UGT3A2: variants seen among roughly 807,000 people sequenced by gnomAD.
UGT3A2 encodes the protein UDP glycosyltransferase family 3 member A2.
A neutral mutation model predicts 39.8 loss-of-function variants in UGT3A2; 32 were observed. The ratio of observed to expected loss-of-function variants is 0.80; its 90% CI spans 0.61 to 1.08. UGT3A2 has a LOEUF of 1.08. UGT3A2 is among the 50% of genes least tolerant of loss of function. The pLI, the probability that UGT3A2 is intolerant of heterozygous loss-of-function variation, is 0.00. For missense variants in UGT3A2, 611 were observed against 637.1 expected (o/e 0.96, Z 0.44); for synonymous variants, 241 against 230.7 (o/e 1.04, Z -0.40).
intron 5 of UGT3A2, among the ~76,000 whole-genome samples, chr5:36,039,002 G>T (rs1741919290): frequency 6.6e-6 from 1 of 152,214 alleles, no homozygotes; most frequent in South Asian, 2.1e-4. Flanking sequence ...GGTAGAAGTT[G>T]CTCAGACCCT....
chr5:36,052,721 C>A (rs925823441), intron 2 of UGT3A2, among the ~76,000 whole-genome samples: 2 of 152,196 alleles, frequency 1.3e-5, no homozygotes, highest in Middle Eastern at 3.4e-3. Context: ...TGCCTGGGAG[C>A]CTGTCCTGCT....
chr5:36,056,092 T>C (rs755943170), intron 2 of UGT3A2, among the ~76,000 whole-genome samples: 4 of 152,190 alleles, frequency 2.6e-5, no homozygotes, highest in South Asian at 2.1e-4. Context: ...GCCATTATGG[T>C]TGAAGGAATC....
chr5:36,048,649 G>T (rs1397977815), intron 4 of UGT3A2, among the ~76,000 whole-genome samples: 1 of 152,236 alleles, frequency 6.6e-6, no homozygotes, highest in Admixed American at 6.5e-5. Flanking sequence ...GGACTAGGGT[G>T]TGGCAAGAGA....
intron 4 of UGT3A2, among the ~76,000 whole-genome samples, chr5:36,040,146 A>C (rs1303147162): frequency 6.6e-6 from 1 of 152,174 alleles, no homozygotes; most frequent in Non-Finnish European, 1.5e-5. Context: ...CTTCATCTAC[A>C]CAAAATGTAC....
At chr5:36,041,174 G>A (rs2111701488) in intron 4 of UGT3A2, among the ~76,000 whole-genome samples, 1 of 152,152 alleles carries the variant, frequency 6.6e-6, no homozygotes. Flanking sequence ...TCACAGGCTT[G>A]GGGTGGGGTG....
rs1313712309 is a variant in UGT3A2, at chr5:36,035,720, G to A, written c.1550C>T (p.Ala517Val). 2.5e-6 allele frequency: 4 copies of A among 1,613,918 alleles called. No individual in the cohort carries two copies. The highest frequency in any genetic ancestry group is 2.5e-6 in the Non-Finnish European group (3 of 1,180,010). The change falls in exon 7 of 7, where the codon GCC (alanine) becomes GTC (valine). Residue 517 changes from alanine (A) to valine (V), a missense_variant. Physicochemically the swap from Ala to Val is moderately conservative, Grantham distance 64. Transcript: ENST00000282507. ...LGMAVWWLRGARKVKET is the reference protein window; with the variant it reads ...LGMAVWWLRGVRKVKET ...GCCTTATGTCTCCTTCACCTTTCTG[G>A]CCCCACGCAGCCACCAGACAGCCAT...
At position 36,039,664 on chromosome 5, in the gene UGT3A2, G is replaced by A. The variant is rs754718163; in HGVS notation, c.888C>T (p.Val296=). ...TCACCATGGAGCCCAAGGTCACAAG[G>A]ACAAAACCAGAGTCCCCAAACTTGG... ...FIAKFGDSGF[V]LVTLGSMVNT... Residue 296 remains valine (V), a synonymous_variant, in exon 5 of 7, where the codon GTC becomes GTT. Coordinates refer to ENST00000282507, the MANE Select transcript of UGT3A2 (RefSeq NM_174914.4). 5 of 1,614,012 alleles carry A rather than the reference G, an allele frequency of 3.1e-6. No individual in the cohort carries two copies. The highest frequency in any genetic ancestry group is 2.2e-5 in the South Asian group (2 of 91,084).
chr5:36,052,030 C>A (rs763726087), intron 2 of UGT3A2, 46 bp from the exon 3 acceptor site: 1 of 1,197,744 alleles, frequency 8.3e-7, no homozygotes, highest in East Asian at 2.4e-5. Context: ...ATATGCTACA[C>A]AAAAGAGTAA....
chr5:36,064,130 C>T lies in UGT3A2; in HGVS notation c.196+119G>A. 3.2e-6 allele frequency: 3 copies of T among 935,806 alleles called. 1 individual carries two copies. Among genetic ancestry groups the T allele is most frequent in the Non-Finnish European group, 4.8e-6 (3 of 627,166 alleles). The allele number at this position is 935,806 out of a possible 1,614,324, so 58.0% of individuals were successfully genotyped here. ...CACTTTACATACACACACACACAAG[C>T]TTTTCATCCTTCCAATTGAATTAGA... On this transcript the variant is annotated intron_variant, in intron 2 of 6. Transcript: ENST00000282507.
intron 1 of UGT3A2, 132 bp from the exon 2 acceptor site, chr5:36,064,482 G>C (rs1404899425): frequency 1.3e-6 from 1 of 781,484 alleles, no homozygotes; most frequent in Non-Finnish European, 2.0e-6. Flanking sequence ...AGTTTTGCCA[G>C]TCTCCTCATG....
At chr5:36,048,676 A>G (rs1466174727) in intron 4 of UGT3A2, among the ~76,000 whole-genome samples, 1 of 152,230 alleles carries the variant, frequency 6.6e-6, no homozygotes, top group Non-Finnish European at 1.5e-5. Flanking sequence ...AGAAGAATCC[A>G]TATAAAGATG....
Position 36,049,155 on chromosome 5 carries a change from C to T in UGT3A2, c.577G>A (p.Asp193Asn). ...ACTCGGCCCCAGAAGTCCATGTGATCAGTCAGCAAGGAACGGAATACTGGA... is the reference window on the plus strand; with the variant it reads ...ACTCGGCCCCAGAAGTCCATGTGATTAGTCAGCAAGGAACGGAATACTGGA... ...YVPVFRSLLT[D>N]HMDFWGRVKN... The change falls in exon 4 of 7, where the codon GAT (aspartate) becomes AAT (asparagine). Residue 193 changes from aspartate (D) to asparagine (N), a missense_variant. Physicochemically the swap from Asp to Asn is conservative, Grantham distance 23. Coordinates refer to ENST00000282507, the MANE Select transcript of UGT3A2 (RefSeq NM_174914.4). 6.2e-7 allele frequency: 1 copy of T among 1,614,190 alleles called. No homozygotes were observed. The highest frequency in any genetic ancestry group is 8.5e-7 in the Non-Finnish European group (1 of 1,180,046).
intron 5 of UGT3A2, 26 bp from the exon 6 acceptor site, chr5:36,038,042 G>T (rs767712987): frequency 6.4e-7 from 1 of 1,556,824 alleles, no homozygotes; most frequent in Non-Finnish European, 8.6e-7. Context: ...AAGAGGGTGG[G>T]ACACTTCAGG....
intron 4 of UGT3A2, among the ~76,000 whole-genome samples, chr5:36,047,964 T>A (rs1742218579): frequency 6.6e-6 from 1 of 152,148 alleles, no homozygotes; most frequent in Non-Finnish European, 1.5e-5. Flanking sequence ...CTGCCACAAA[T>A]GCAAAGCCCA....
At chr5:36,060,318 T>A (rs1742650463) in intron 2 of UGT3A2, among the ~76,000 whole-genome samples, 2 of 152,218 alleles carry the variant, frequency 1.3e-5, no homozygotes, top group Admixed American at 1.3e-4. Context: ...CACTGGAGGC[T>A]ATATGAGTAA....
intron 3 of UGT3A2, among the ~76,000 whole-genome samples, chr5:36,049,948 C>T (rs1742287636): frequency 6.6e-6 from 1 of 151,978 alleles, no homozygotes; most frequent in African/African-American, 2.4e-5. Flanking sequence ...ATATTACAGC[C>T]AAAAATCTCA....
intron 4 of UGT3A2, 126 bp downstream of exon 4, chr5:36,048,763 T>A: frequency 7.4e-7 from 1 of 1,350,476 alleles, no homozygotes; most frequent in Non-Finnish European, 1.0e-6. Context: ...TTTAAAAGCA[T>A]GCCCTAGGTG....
intron 2 of UGT3A2, among the ~76,000 whole-genome samples, chr5:36,061,846 C>T (rs1338131183): frequency 6.6e-6 from 1 of 151,872 alleles, no homozygotes; most frequent in Non-Finnish European, 1.5e-5. Context: ...AACTAGTTTA[C>T]AGTCCCACCA....
intron 2 of UGT3A2, among the ~76,000 whole-genome samples, chr5:36,061,753 C>T (rs1271427619): frequency 3.3e-5 from 5 of 151,966 alleles, no homozygotes; most frequent in Admixed American, 6.5e-5. Flanking sequence ...TGGGTATACA[C>T]CCAGTAATGG....
Sources: gnomAD v4.1 joint callset for allele counts (sites outside exome capture counted in the v4.1 genomes callset) on GRCh38, gnomAD v4.1.1 for gene constraint, MANE v1.5 for transcripts, NCBI Gene and HGNC (gene_info 2026-07-23, HGNC 2026-07-21) for gene names.